SLC2A5: variants seen among roughly 807,000 people sequenced by gnomAD.
SLC2A5 encodes the protein solute carrier family 2 member 5.
A neutral mutation model predicts 50.3 loss-of-function variants in SLC2A5; 56 were observed. The ratio of observed to expected loss-of-function variants is 1.11; its 90% confidence interval spans 0.90 to 1.39. The LOEUF (loss-of-function observed/expected upper bound fraction) is 1.39. Among genes scored for constraint, SLC2A5 ranks in the 40% most tolerant of loss-of-function variants. SLC2A5 has a pLI of 0.00. For missense variants in SLC2A5, 566 were observed against 650.1 expected (o/e 0.87, Z 1.41); for synonymous variants, 269 against 281.9 (o/e 0.95, Z 0.46).
chr1:9,057,046 C>T (rs942021474), intron 3 of SLC2A5, among the ~76,000 whole-genome samples: 3 of 152,166 alleles, frequency 2.0e-5, no homozygotes, highest in African/African-American at 7.2e-5. Flanking sequence ...AATCCCAGCA[C>T]TCTGGGGGGC....
intron 1 of SLC2A5, among the ~76,000 whole-genome samples, chr1:9,063,821 G>A (rs1193660379): frequency 2.2e-5 from 3 of 136,426 alleles, no homozygotes; most frequent in Admixed American, 7.5e-5. Context: ...TCAGCCTCCC[G>A]AGTAGCTGGG....
Position 9,037,338 on chromosome 1 carries a change from T to C in SLC2A5, c.*248A>G, listed in dbSNP as rs1641157938. On this transcript the variant is annotated 3_prime_UTR_variant, in exon 12 of 12. Transcript: ENST00000377424. ...CCACACGAAGGCTGAACCAGCAAAG[T>C]GGAGGACCAGCTGTTTAATTGACTC... The C allele has an allele frequency of 8.3e-6, 4 of 479,874 alleles. No individual in the cohort carries two copies. The highest frequency in any genetic ancestry group is 1.5e-5 in the Non-Finnish European group (4 of 263,216). 29.7% of individuals were successfully genotyped at this position (479,874 alleles called of 1,614,324 possible).
Position 9,035,991 on chromosome 1 carries a change from C to CTCCCACAGGGTA in SLC2A5, c.*1594_*1595insTACCCTGTGGGA, listed in dbSNP as rs1641127499. 6.6e-6 allele frequency: 1 copy of CTCCCACAGGGTA among 151,916 alleles called. No homozygotes were observed. The allele number at this position is 151,916 out of a possible 1,614,324, so 9.4% of individuals were successfully genotyped here. On this transcript the variant is annotated 3_prime_UTR_variant, in exon 12 of 12. Coordinates refer to ENST00000377424, the MANE Select transcript of SLC2A5 (RefSeq NM_003039.3). ...ATGATTCAATTATCTCCCACAGGGTCCCTCCCAGAACACATGGGAATTATG... is the reference window on the plus strand; with the variant it reads ...ATGATTCAATTATCTCCCACAGGGTCTCCCACAGGGTACCTCCCAGAACACATGGGAATTATG...
intron 1 of SLC2A5, among the ~76,000 whole-genome samples, chr1:9,062,132 T>C (rs1484219451): frequency 6.6e-6 from 1 of 152,080 alleles, no homozygotes; most frequent in Non-Finnish European, 1.5e-5. Flanking sequence ...TAAACAAATA[T>C]GCATGACCAG....
chr1:9,064,930 G>A (rs1218201392), intron 1 of SLC2A5, among the ~76,000 whole-genome samples: 1 of 151,936 alleles, frequency 6.6e-6, no homozygotes. Flanking sequence ...GCACACGTCT[G>A]TAATCCCAGC....
intron 3 of SLC2A5, among the ~76,000 whole-genome samples, chr1:9,056,448 G>T (rs1641753862): frequency 6.6e-6 from 1 of 151,884 alleles, no homozygotes; most frequent in African/African-American, 2.4e-5. Context: ...GCCACCCAAA[G>T]TGTTGGGATT....
intron 3 of SLC2A5, among the ~76,000 whole-genome samples, chr1:9,053,091 T>C (rs1414048092): frequency 2.0e-5 from 2 of 98,014 alleles, no homozygotes; most frequent in African/African-American, 8.0e-5. Flanking sequence ...TAATATATAA[T>C]ATATATTTAT....
At chr1:9,059,058 A>G (rs1484256506) in intron 1 of SLC2A5, among the ~76,000 whole-genome samples, 1 of 150,820 alleles carries the variant, frequency 6.6e-6, no homozygotes, top group Admixed American at 6.6e-5. Flanking sequence ...GCTGTTGGAG[A>G]GAGCTTGGGA....
rs1641252528 is a variant in SLC2A5 at position 9,039,887 on chromosome 1, C to A, written c.798G>T (p.Leu266=). 6.2e-7 allele frequency: 1 copy of A among 1,612,784 alleles called. No homozygotes were observed. The highest frequency in any genetic ancestry group is 8.5e-7 in the Non-Finnish European group (1 of 1,179,856). ...GCAGCGAGCGCATCCGGAACAGCTT[C>A]AGCACGGAGATGAAGCCCGCGGCCT... is the stretch of plus-strand genomic sequence containing the variant. ...AEKAAGFISV[L]KLFRMRSLRW... The change falls in exon 7 of 12, where the codon CTG becomes CTT. Residue 266 remains leucine, a synonymous_variant. Transcript: ENST00000377424.
At position 9,039,881 on chromosome 1, in the gene SLC2A5, C is replaced by T. The variant is rs1287222201; in HGVS notation, c.804G>A (p.Leu268=). The change falls in exon 7 of 12, where the codon CTG becomes CTA. Residue 268 remains leucine, a synonymous_variant. Transcript: ENST00000377424. ...GCCAGCGCAGCGAGCGCATCCGGAA[C>T]AGCTTCAGCACGGAGATGAAGCCCG... ...KAAGFISVLK[L]FRMRSLRWQL... 1 of 1,612,666 alleles carries T rather than the reference C, an allele frequency of 6.2e-7. No individual in the cohort carries two copies. The highest frequency in any genetic ancestry group is 1.1e-5 in the South Asian group (1 of 91,062).
intron 3 of SLC2A5, among the ~76,000 whole-genome samples, chr1:9,056,872 C>T (rs1172311831): frequency 6.6e-6 from 1 of 152,178 alleles, no homozygotes; most frequent in Non-Finnish European, 1.5e-5. Context: ...CAAGCACACA[C>T]GGCTCCTTCC....
At chr1:9,042,130 C>T (rs945018011) in intron 4 of SLC2A5, among the ~76,000 whole-genome samples, 193 bp from the exon 5 acceptor site, 21 of 152,226 alleles carry the variant, frequency 1.4e-4, no homozygotes, top group African/African-American at 4.8e-4. Context: ...ATCAAAGGAG[C>T]TCATGCACAG....
intron 4 of SLC2A5, among the ~76,000 whole-genome samples, chr1:9,043,379 C>T (rs901686772): frequency 2.6e-4 from 40 of 152,126 alleles, no homozygotes; most frequent in Non-Finnish European, 1.3e-4. Context: ...TCGATTCTTC[C>T]TCATTTGCAG....
At chr1:9,069,412 ACCAGGAGCC>A in intron 1 of SLC2A5, 83 bp downstream of exon 1, 2 of 1,343,966 alleles carry the variant, frequency 1.5e-6, no homozygotes, top group African/African-American at 2.9e-5. Flanking sequence ...CCTCTGCAAC[ACCAGGAGCC>A]CCCCAGCGAC....
chr1:9,084,785 G>A (rs779913664), intron 2 of SLC2A5, among the ~76,000 whole-genome samples: 22 of 152,174 alleles, frequency 1.4e-4, no homozygotes, highest in Non-Finnish European at 2.6e-4. Flanking sequence ...TCCAGCCCCC[G>A]TTGGTCTGGA....
At chr1:9,077,258 G>T (rs1450498380) in intron 2 of SLC2A5, among the ~76,000 whole-genome samples, 1 of 150,946 alleles carries the variant, frequency 6.6e-6, no homozygotes, top group Non-Finnish European at 1.5e-5. Flanking sequence ...AATTAGCCAG[G>T]CATGGTGCTG....
At position 9,039,545 on chromosome 1, in the gene SLC2A5, C is replaced by T. The variant is rs761760777; in HGVS notation, c.996+7G>A. On this transcript the variant is annotated splice_region_variant and intron_variant, in intron 8 of 11. Transcript: ENST00000377424. ...TGGAGGCTGTGGGCAGCTCCCAGGA[C>T]ACTCACGGCGCAGAAGGTCATGACC... The T allele has an allele frequency of 1.3e-5, 20 of 1,555,514 alleles. No homozygotes were observed. The highest frequency in any genetic ancestry group is 1.7e-5 in the Non-Finnish European group (19 of 1,149,418).
upstream of SLC2A5, chr1:9,069,745 G>A: frequency 1.7e-6 from 1 of 603,976 alleles, no homozygotes; most frequent in Non-Finnish European, 2.9e-6. Context: ...CTGGGGTTTG[G>A]CTAAGTAAGT....
rs1192731074 is a variant in SLC2A5 at position 9,035,484 on chromosome 1, G to C, written c.*2102C>G. ...TGAGTGGTTTAGCTTGTTGCTGGTG[G>C]AATCTCCATTACATACCCACAAAAA... On this transcript the variant is annotated 3_prime_UTR_variant, in exon 12 of 12. Transcript: ENST00000377424. The C allele has an allele frequency of 6.6e-6, 1 of 152,164 alleles. No individual in the cohort carries two copies. Among genetic ancestry groups the C allele is most frequent in the Non-Finnish European group, 1.5e-5 (1 of 68,074 alleles). 9.4% of individuals were successfully genotyped at this position (152,164 alleles called of 1,614,324 possible).
Sources: gnomAD v4.1 joint callset for allele counts (sites outside exome capture counted in the v4.1 genomes callset) on GRCh38, gnomAD v4.1.1 for gene constraint, MANE v1.5 for transcripts, NCBI Gene and HGNC (gene_info 2026-07-23, HGNC 2026-07-21) for gene names.